Variants in DCAF10 observed in about 807,000 individuals in gnomAD.
The protein encoded by DCAF10 is DDB1 and CUL4 associated factor 10, also known as DDB1- and CUL4-associated factor 10.
A neutral mutation model predicts 51.9 loss-of-function variants in DCAF10; 19 were observed. That is an observed-to-expected ratio of 0.37 (90% CI 0.26 to 0.54). The LOEUF (loss-of-function observed/expected upper bound fraction) is 0.54, where lower values mean the gene tolerates loss of function less well. DCAF10 is among the 20% of genes least tolerant of loss of function. The pLI, the probability that DCAF10 is intolerant of heterozygous loss-of-function variation, is 0.87. For missense variants in DCAF10, 510 were observed against 730.6 expected (o/e 0.70, Z 3.48); for synonymous variants, 291 against 297.1 (o/e 0.98, Z 0.21).
At position 37,854,922 on chromosome 9, in the gene DCAF10, A is replaced by G; in HGVS notation, c.994A>G (p.Lys332Glu). ...LLILHDLDLT[K>E]SLEVGSYPIL... The stretch of plus-strand genomic sequence containing the variant: ...AATTTTGCATGACCTTGACTTAACT[A>G]AGTCTTTAGAAGTAGGCAGCTATCC... The change falls in exon 4 of 7, where the codon AAG becomes GAG. Residue 332 changes from lysine to glutamate, a missense_variant. Lys to Glu is a moderately conservative substitution (Grantham distance 56, BLOSUM62 1). This residue lies in a region of DCAF10 where 126 missense variants were observed against 271.5 expected (regional missense o/e 0.46). Coordinates refer to ENST00000377724, the MANE Select transcript of DCAF10 (RefSeq NM_024345.5). 7 of 1,614,012 alleles carry G rather than the reference A, an allele frequency of 4.3e-6. No individual in the cohort carries two copies. The highest frequency in any genetic ancestry group is 5.9e-6 in the Non-Finnish European group (7 of 1,179,974).
intron 2 of DCAF10, among the ~76,000 whole-genome samples, chr9:37,831,838 A>G (rs1012871388): frequency 2.0e-5 from 3 of 152,076 alleles, no homozygotes; most frequent in African/African-American, 4.8e-5. Flanking sequence ...AATCCCAGCT[A>G]CTCGGGAGGC....
intron 1 of DCAF10, among the ~76,000 whole-genome samples, chr9:37,808,887 G>A (rs947126699): frequency 6.8e-6 from 1 of 147,050 alleles, no homozygotes; most frequent in Non-Finnish European, 1.5e-5. Flanking sequence ...GGAAAACTGA[G>A]GTGGGAGGAT....
chr9:37,816,659 G>GGTGTGTGT (rs1554685707), intron 1 of DCAF10, among the ~76,000 whole-genome samples: 2,273 of 144,946 alleles, frequency 0.016, 45 homozygotes, highest in African/African-American at 0.054. Flanking sequence ...CTGCACCTGG[G>GGTGTGTGT]GTGTGTGTGT....
Position 37,836,535 on chromosome 9 carries a change from G to C in DCAF10, c.654-5554G>C, listed in dbSNP as rs1374681093. ...CTATTGAGTTCTCGTGCCCTCATCA[G>C]CTGAGAGCAGGGAATGGAACTTTAA... On this transcript the variant is annotated intron_variant, in intron 2 of 6. Transcript: ENST00000377724. 7.9e-6 allele frequency: 6 copies of C among 757,176 alleles called. No individual in the cohort carries two copies. The African/African-American group carries it at 1.1e-4, about 13-fold the overall frequency. 46.9% of individuals were successfully genotyped at this position (757,176 alleles called of 1,614,324 possible). A position where few individuals can be genotyped will look rare whatever the true frequency, so the allele number is the denominator to read the frequency against.
At position 37,861,677 on chromosome 9, in the gene DCAF10, T is replaced by C. The variant is rs1587137495; in HGVS notation, c.*169T>C. ...CTTAGTACTTGGTCATCCAGCATCATACAGGCATCTCCAAGTTAGACTCTA... is the reference window on the plus strand; with the variant it reads ...CTTAGTACTTGGTCATCCAGCATCACACAGGCATCTCCAAGTTAGACTCTA... On this transcript the variant is annotated 3_prime_UTR_variant, in exon 7 of 7. Transcript: ENST00000377724. This position sits in a 1 kb window ranked among gnomAD's most constrained non-coding sequence, Gnocchi z 4.9. 2.3e-6 allele frequency: 2 copies of C among 884,010 alleles called. No homozygotes were observed. Among genetic ancestry groups the C allele is most frequent in the East Asian group, 5.4e-5 (2 of 37,326 alleles). The allele number at this position is 884,010 out of a possible 1,614,324, so 54.8% of individuals were successfully genotyped here.
At chr9:37,835,066 G>A (rs1176819543) in intron 2 of DCAF10, among the ~76,000 whole-genome samples, 1 of 152,204 alleles carries the variant, frequency 6.6e-6, no homozygotes, top group African/African-American at 2.4e-5. Context: ...GATTATGGGT[G>A]TGAGCCACTG....
At chr9:37,815,652 A>G (rs1829503527) in intron 1 of DCAF10, among the ~76,000 whole-genome samples, 1 of 152,024 alleles carries the variant, frequency 6.6e-6, no homozygotes, top group Admixed American at 6.6e-5. Context: ...TCTCCAATAA[A>G]AAAAAAAAAT....
At chr9:37,852,929 G>GC (rs1830709058) in intron 3 of DCAF10, among the ~76,000 whole-genome samples, 43 of 77,366 alleles carry the variant, frequency 5.6e-4, no homozygotes, top group Admixed American at 2.0e-3. Context: ...AGTATGTGAG[G>GC]TTATATATAT....
At chr9:37,847,686 G>A (rs1217749898) in intron 3 of DCAF10, among the ~76,000 whole-genome samples, 1 of 152,056 alleles carries the variant, frequency 6.6e-6, no homozygotes, top group Non-Finnish European at 1.5e-5. Context: ...AAAAGAAAAG[G>A]CATTCAGAAT....
intron 3 of DCAF10, among the ~76,000 whole-genome samples, chr9:37,843,824 G>A (rs976256929): frequency 3.3e-5 from 5 of 152,132 alleles, no homozygotes; most frequent in African/African-American, 4.8e-5. Flanking sequence ...TGTGATAAAC[G>A]TATATGGGCT....
In DCAF10 at chr9:37,822,420, T is replaced by G. The variant is rs1253195692; in HGVS notation, c.653+3019T>G. On this transcript the variant is annotated intron_variant, in intron 2 of 6. Coordinates refer to ENST00000377724, the MANE Select transcript of DCAF10 (RefSeq NM_024345.5). ...AGAAACTGTGATATATATATATATA[T>G]ATATATATATATATATATATATGAT... is the stretch of plus-strand genomic sequence containing the variant. 6.9e-4 allele frequency among the ~76,000 whole-genome samples: 54 copies of G among 78,410 alleles called. 1 individual carries two copies. The highest frequency in any genetic ancestry group is 2.8e-3 in the African/African-American group (52 of 18,842). The allele number at this position is 78,410 out of a possible 152,430, so 51.4% of individuals were successfully genotyped here. A position where few individuals can be genotyped will look rare whatever the true frequency, so the allele number is the denominator to read the frequency against.
chr9:37,843,592 T>C (rs182945405), intron 3 of DCAF10, among the ~76,000 whole-genome samples: 14 of 152,262 alleles, frequency 9.2e-5, no homozygotes, highest in Admixed American at 3.9e-4. Context: ...AAAAGATAAT[T>C]ATTTAAAAGA....
At chr9:37,855,987 C>A (rs534443060) in intron 4 of DCAF10, among the ~76,000 whole-genome samples, 1 of 152,022 alleles carries the variant, frequency 6.6e-6, no homozygotes, top group Admixed American at 6.6e-5. Context: ...CCTGTCTCTA[C>A]GAAAAACACA....
intron 1 of DCAF10, among the ~76,000 whole-genome samples, chr9:37,805,156 G>T (rs1219195877): frequency 2.6e-5 from 4 of 152,164 alleles, no homozygotes; most frequent in African/African-American, 4.8e-5. Context: ...AATAGAGATG[G>T]AACAAAAATA....
rs1284610788 is a variant in DCAF10, at chr9:37,826,898, T to C, written c.653+7497T>C. Among the ~76,000 whole-genome samples, 7 of 145,976 alleles carry C rather than the reference T, an allele frequency of 4.8e-5. No homozygotes were observed. In the Admixed American group the frequency reaches 5.1e-4, roughly 11 times the overall value. On this transcript the variant is annotated intron_variant, in intron 2 of 6. Transcript: ENST00000377724. ...TGGAGAGCAATGGCGCGATCTCGGCTCACCACAACCTCTGCCTTCCAGGTT... is the reference window on the plus strand; with the variant it reads ...TGGAGAGCAATGGCGCGATCTCGGCCCACCACAACCTCTGCCTTCCAGGTT...
At position 37,801,090 on chromosome 9, in the gene DCAF10, G is replaced by C; in HGVS notation, c.224G>C (p.Gly75Ala). ...CGCTCCGGAGAGCTAGGGCTGCCTG[G>C]AGCTCCGGAGTCCTCAACTGCCTCC... ...APRSGELGLP[G>A]APESSTASAP... is the part of the protein sequence containing the mutation. Residue 75 changes from glycine to alanine, a missense_variant, in exon 1 of 7, where the codon GGA (glycine) becomes GCA (alanine). Transcript: ENST00000377724. The surrounding 1 kb of genome is among the most constrained non-coding windows in gnomAD (Gnocchi z 5.5). The C allele has an allele frequency of 6.5e-7, 1 of 1,534,080 alleles. No individual in the cohort carries two copies. Among genetic ancestry groups the C allele is most frequent in the Non-Finnish European group, 8.7e-7 (1 of 1,146,276 alleles).
intron 3 of DCAF10, among the ~76,000 whole-genome samples, chr9:37,843,033 T>C (rs1373786665): frequency 2.0e-5 from 3 of 152,228 alleles, no homozygotes; most frequent in Non-Finnish European, 2.9e-5. Flanking sequence ...TGTTGTTGTT[T>C]TTGAGACAGG....
intron 4 of DCAF10, among the ~76,000 whole-genome samples, chr9:37,855,575 C>T (rs1216704440): frequency 1.3e-5 from 2 of 152,122 alleles, no homozygotes; most frequent in Non-Finnish European, 2.9e-5. Flanking sequence ...TTAAAAAAGA[C>T]TATATTTCAT....
At chr9:37,810,955 C>T (rs969193850) in intron 1 of DCAF10, among the ~76,000 whole-genome samples, 4 of 152,106 alleles carry the variant, frequency 2.6e-5, no homozygotes, top group African/African-American at 7.2e-5. Flanking sequence ...TCATTCCCTA[C>T]GTAGATTAAG....
Sources: allele counts gnomAD v4.1 joint callset (sites outside exome capture counted in the v4.1 genomes callset), GRCh38; gene constraint gnomAD v4.1.1; regional missense constraint gnomAD v4.1.1; non-coding constraint Gnocchi (gnomAD v3.1); transcripts MANE v1.5; gene names NCBI Gene and HGNC (gene_info 2026-07-23, HGNC 2026-07-21).